The following FBN3 variants were observed in gnomAD, a reference collection of about 807,000 sequenced individuals.
FBN3 encodes the protein fibrillin-3.
A neutral mutation model predicts 330.1 loss-of-function variants in FBN3; 234 were observed. The ratio of observed to expected loss-of-function variants is 0.71; its 90% CI spans 0.64 to 0.79. The LOEUF (loss-of-function observed/expected upper bound fraction) is 0.79, where lower values mean the gene tolerates loss of function less well. Ranked by LOEUF, FBN3 falls within the 30% of genes least tolerant of loss-of-function variation. The pLI is 0.00. For synonymous variants in FBN3, 1,458 were observed against 1,517.3 expected (o/e 0.96, Z 0.91); for missense variants, 3,606 against 3,886.9 (o/e 0.93, Z 1.92).
In FBN3 at chr19:8,088,767, TTGAA is replaced by T. The variant is rs1379353415; in HGVS notation, c.6377-592_6377-589del. 7.9e-5 allele frequency among the ~76,000 whole-genome samples: 12 copies of T among 151,872 alleles called. No homozygotes were observed. The East Asian group carries it at 2.3e-3, about 30-fold the overall frequency. On this transcript the variant is annotated intron_variant, in intron 51 of 63. Coordinates refer to ENST00000600128, the MANE Select transcript of FBN3 (RefSeq NM_032447.5). ...AGTGAGTAAATGAATAAATGAGTGATTGAATGGGTGAATGAGCAAGGAGACAAAT... is the reference window on the plus strand; with the variant it reads ...AGTGAGTAAATGAATAAATGAGTGATTGGGTGAATGAGCAAGGAGACAAAT...
intron 13 of FBN3, 25 bp downstream of exon 13, chr19:8,135,936 G>GGCCACCCCCCCCCCCC: frequency 1.5e-6 from 1 of 668,776 alleles, no homozygotes; most frequent in Non-Finnish European, 2.4e-6. Flanking sequence ...GGAAGCCCCT[G>GGCCACCCCCCCCCCCC]CCCACCCGCC....
In FBN3 at chr19:8,109,571, G is replaced by A; in HGVS notation, c.4456+60C>T. 6.4e-7 allele frequency: 1 copy of A among 1,554,406 alleles called. No homozygotes were observed. The highest frequency in any genetic ancestry group is 8.7e-7 in the Non-Finnish European group (1 of 1,147,814). ...TTGACATCTGAGTTAACCCAGTGGG[G>A]CAATCCCACCCACCTCTGCTGACCC... On this transcript the variant is annotated intron_variant, in intron 35 of 63. Transcript: ENST00000600128. This position sits in a 1 kb window ranked among gnomAD's most constrained non-coding sequence, Gnocchi z 5.2.
chr19:8,113,307 C>T (rs1188016509), intron 30 of FBN3, among the ~76,000 whole-genome samples: 1 of 152,176 alleles, frequency 6.6e-6, no homozygotes, highest in East Asian at 1.9e-4. Context: ...CACTCTGTCA[C>T]CCAGGCTGGA....
intron 57 of FBN3, among the ~76,000 whole-genome samples, chr19:8,082,157 G>A (rs1599284864): frequency 6.6e-6 from 1 of 151,592 alleles, no homozygotes; most frequent in East Asian, 1.9e-4. Flanking sequence ...TTTTAGTAGA[G>A]ACGGTTTCAT....
chr19:8,135,936 G>GGGGGGGGGGGGGGC, intron 13 of FBN3, 25 bp downstream of exon 13: 36 of 668,750 alleles, frequency 5.4e-5, no homozygotes, highest in Middle Eastern at 4.8e-4. Flanking sequence ...GGAAGCCCCT[G>GGGGGGGGGGGGGGC]CCCACCCGCC....
chr19:8,092,581 C>T (rs886730767), intron 47 of FBN3, among the ~76,000 whole-genome samples: 5 of 151,314 alleles, frequency 3.3e-5, no homozygotes, highest in South Asian at 2.1e-4. Context: ...GGCATTGTGG[C>T]GGGGCGCACC....
intron 59 of FBN3, among the ~76,000 whole-genome samples, chr19:8,075,799 TAAAC>T (rs1033907123): frequency 2.0e-5 from 3 of 152,172 alleles, no homozygotes; most frequent in East Asian, 1.9e-4. Context: ...GAGTAAAAGA[TAAAC>T]AAAGCCTCTT....
chr19:8,147,517 T>C lies in FBN3; in HGVS notation c.-17-20A>G, dbSNP rs1010309901. 32 of 1,431,870 alleles carry C rather than the reference T, an allele frequency of 2.2e-5. No homozygotes were observed. Among genetic ancestry groups the C allele is most frequent in the Non-Finnish European group, 2.9e-5 (32 of 1,090,886 alleles). 88.7% of individuals were successfully genotyped at this position (1,431,870 alleles called of 1,614,324 possible). On this transcript the variant is annotated intron_variant, in intron 1 of 63. Coordinates refer to ENST00000600128, the MANE Select transcript of FBN3 (RefSeq NM_032447.5). ...TGGAGGCTGCGGAGAGGAAGCAGAGTCAGCCCTAGATGAGCCCCCCACCCT... is the reference window on the plus strand; with the variant it reads ...TGGAGGCTGCGGAGAGGAAGCAGAGCCAGCCCTAGATGAGCCCCCCACCCT...
chr19:8,128,604 A>T (rs1231044941), intron 18 of FBN3, among the ~76,000 whole-genome samples: 1 of 151,784 alleles, frequency 6.6e-6, no homozygotes, highest in African/African-American at 2.4e-5. Context: ...AAATGTGAGT[A>T]TATATGTGTC....
intron 3 of FBN3, 72 bp downstream of exon 3, chr19:8,147,032 A>G: frequency 7.3e-7 from 1 of 1,367,244 alleles, no homozygotes; most frequent in Admixed American, 2.0e-5. Context: ...GTGTAAACAG[A>G]GCTGAACCTG....
Position 8,075,323 on chromosome 19 carries a change from G to A in FBN3, c.7542C>T (p.His2514=). ...NTPGSFRCEC[H]QGFTLVSSGH... ...CTGAGCTGACCAGGGTGAAGCCTTG[G>A]TGGCATTCACAGCGGAAGCTGCCCG... is the stretch of plus-strand genomic sequence containing the variant. The change falls in exon 60 of 64, where the codon CAC becomes CAT. Residue 2514 remains histidine (H), a synonymous_variant. Coordinates refer to ENST00000600128, the MANE Select transcript of FBN3 (RefSeq NM_032447.5). 1.2e-6 allele frequency: 2 copies of A among 1,614,228 alleles called. No individual in the cohort carries two copies. The highest frequency in any genetic ancestry group is 1.7e-6 in the Non-Finnish European group (2 of 1,180,040).
At chr19:8,092,041 G>T (rs982544507) in intron 47 of FBN3, among the ~76,000 whole-genome samples, 2 of 152,022 alleles carry the variant, frequency 1.3e-5, no homozygotes, top group African/African-American at 2.4e-5. Flanking sequence ...AGCCGGGTGT[G>T]GTGGTGGGCG....
At position 8,102,038 on chromosome 19, in the gene FBN3, T is replaced by C. The variant is rs578071913; in HGVS notation, c.5089+686A>G. Among the ~76,000 whole-genome samples, 307 of 152,186 alleles carry C rather than the reference T, an allele frequency of 2.0e-3. 1 individual carries two copies. The highest frequency in any genetic ancestry group is 7.1e-3 in the African/African-American group (293 of 41,510). ...GGTCTTTCCCATGCTATTCTCGTGA[T>C]AGTGAATAAATCTCGTGAGATCTGA... is the stretch of plus-strand genomic sequence containing the variant. On this transcript the variant is annotated intron_variant, in intron 40 of 63. Coordinates refer to ENST00000600128, the MANE Select transcript of FBN3 (RefSeq NM_032447.5).
Position 8,136,448 on chromosome 19 carries a change from A to T in FBN3, c.1285T>A (p.Ser429Thr). Residue 429 changes from serine (S) to threonine (T), a missense_variant, in exon 11 of 64, where the codon TCC becomes ACC. By Grantham distance (58) the Ser-to-Thr change is moderately conservative (BLOSUM62 1). Transcript: ENST00000600128. ...ACGTTACACTCGCAGCGGTAGCTGG[A>T]AGGCGTGGGCAGGCAGCGGCCATTC... Reference protein sequence around the residue: ...CLNGRCLPTPSSYRCECNVGY... With the variant: ...CLNGRCLPTPTSYRCECNVGY... 6.2e-7 allele frequency: 1 copy of T among 1,614,190 alleles called. No homozygotes were observed.
At chr19:8,118,702 C>T (rs1032002843) in intron 26 of FBN3, among the ~76,000 whole-genome samples, 195 bp downstream of exon 26, 16 of 152,106 alleles carry the variant, frequency 1.1e-4, no homozygotes, top group Non-Finnish European at 2.1e-4. Context: ...AACACACTCC[C>T]GCCATCTTGC....
intron 29 of FBN3, among the ~76,000 whole-genome samples, chr19:8,116,124 G>A (rs1000357719): frequency 6.6e-6 from 1 of 151,984 alleles, no homozygotes; most frequent in Non-Finnish European, 1.5e-5. Context: ...AGCTTCACTC[G>A]GTTTCTTGGC....
intron 13 of FBN3, among the ~76,000 whole-genome samples, chr19:8,135,279 A>G (rs538290845): frequency 6.6e-6 from 1 of 151,832 alleles, no homozygotes; most frequent in East Asian, 1.9e-4. Flanking sequence ...GGCATAAAAA[A>G]AAATTTTTTT....
rs919340792 is a variant in FBN3, at chr19:8,081,587, C to T, written c.7214-107G>A. The T allele has an allele frequency of 1.5e-5, 19 of 1,284,704 alleles. No homozygotes were observed. In the African/African-American group the frequency reaches 1.8e-4, roughly 12 times the overall value. The allele number at this position is 1,284,704 out of a possible 1,614,324, so 79.6% of individuals were successfully genotyped here. On this transcript the variant is annotated intron_variant, in intron 57 of 63. Coordinates refer to ENST00000600128, the MANE Select transcript of FBN3 (RefSeq NM_032447.5). The stretch of plus-strand genomic sequence containing the variant: ...ACCCCGACCATCTGAAATCTGTGGA[C>T]TTACACAGGAATGAACACTTCTTTC...
intron 21 of FBN3, 96 bp downstream of exon 21, chr19:8,126,201 C>G: frequency 6.9e-7 from 1 of 1,459,286 alleles, no homozygotes. Flanking sequence ...CAAAAGACTC[C>G]AGGGCGGGGC....
Sources: gnomAD v4.1 joint callset for allele counts (sites outside exome capture counted in the v4.1 genomes callset) on GRCh38, gnomAD v4.1.1 for gene constraint, Gnocchi (gnomAD v3.1) non-coding constraint, MANE v1.5 for transcripts, NCBI Gene and HGNC (gene_info 2026-07-23, HGNC 2026-07-21) for gene names.